CACNA1E: variants seen among roughly 807,000 people sequenced by gnomAD.
The protein encoded by CACNA1E is calcium voltage-gated channel subunit alpha1 E.
CACNA1E carries 40 observed loss-of-function variants against 259.2 expected under a neutral mutation model. That is an observed-to-expected ratio of 0.15 (90% CI 0.12 to 0.20). The LOEUF is 0.20. Ranked by LOEUF, CACNA1E falls within the 10% of genes least tolerant of loss-of-function variation. The probability of loss-of-function intolerance (pLI) is 1.00; values close to 1 mark genes in which losing one functional copy is unlikely to be tolerated. For synonymous variants in CACNA1E, 1,104 were observed against 1,138.5 expected (o/e 0.97, Z 0.61); for missense variants, 1,874 against 3,040.1 (o/e 0.62, Z 9.02).
chr1:181,763,790 CT>C (rs1658791614), intron 34 of CACNA1E, among the ~76,000 whole-genome samples: 1 of 152,214 alleles, frequency 6.6e-6, no homozygotes, highest in African/African-American at 2.4e-5. Context: ...TCCTCTCTGT[CT>C]GCTGAGGCAG....
At chr1:181,780,225 C>T (rs1660306965) in intron 38 of CACNA1E, among the ~76,000 whole-genome samples, 1 of 152,190 alleles carries the variant, frequency 6.6e-6, no homozygotes, top group South Asian at 2.1e-4. Flanking sequence ...CTGAGAGAGT[C>T]CCTACCTTAG....
intron 1 of CACNA1E, among the ~76,000 whole-genome samples, chr1:181,486,405 A>G (rs1340314100): frequency 6.6e-6 from 1 of 152,252 alleles, no homozygotes; most frequent in East Asian, 1.9e-4. Context: ...ATTGACTAAT[A>G]TATTCCCTCT....
chr1:181,364,511 A>T (rs1331186475), intron 1 of CACNA1E, among the ~76,000 whole-genome samples: 1 of 152,214 alleles, frequency 6.6e-6, no homozygotes, highest in East Asian at 1.9e-4. Flanking sequence ...AAGGAGCCAG[A>T]TTGGAAGGCC....
At chr1:181,549,614 C>G (rs146458631) in intron 3 of CACNA1E, among the ~76,000 whole-genome samples, 3 of 152,192 alleles carry the variant, frequency 2.0e-5, no homozygotes, top group Admixed American at 2.0e-4. Context: ...AAGTGACTGT[C>G]TAAAGGGGGA....
chr1:181,580,509 T>C, intron 5 of CACNA1E, 86 bp from the exon 6 acceptor site: 1 of 1,311,766 alleles, frequency 7.6e-7, no homozygotes, highest in Non-Finnish European at 1.1e-6. Context: ...GGGAATGGAA[T>C]TGCTTGCCTA....
At chr1:181,513,480 T>C (rs1169764583) in intron 3 of CACNA1E, among the ~76,000 whole-genome samples, 1 of 152,266 alleles carries the variant, frequency 6.6e-6, no homozygotes, top group African/African-American at 2.4e-5. Flanking sequence ...TTGGCTCTGA[T>C]AAATAATTAT....
intron 3 of CACNA1E, among the ~76,000 whole-genome samples, chr1:181,577,378 C>T (rs1240320526): frequency 6.6e-6 from 1 of 151,958 alleles, no homozygotes; most frequent in Non-Finnish European, 1.5e-5. Context: ...ACAGGGGAAC[C>T]TAAGAAAATT....
At chr1:181,685,322 CAT>C (rs1650425359) in intron 7 of CACNA1E, among the ~76,000 whole-genome samples, 2 of 148,864 alleles carry the variant, frequency 1.3e-5, no homozygotes, top group Admixed American at 1.4e-4. Context: ...GTTGTGCAAC[CAT>C]ATATATTATA....
At chr1:181,390,116 T>G (rs978856955) in intron 1 of CACNA1E, among the ~76,000 whole-genome samples, 6 of 152,168 alleles carry the variant, frequency 3.9e-5, no homozygotes, top group African/African-American at 1.4e-4. Flanking sequence ...TTCGTGACGG[T>G]GCCCCTGAGC....
intron 2 of CACNA1E, among the ~76,000 whole-genome samples, chr1:181,476,600 C>A (rs889873520): frequency 1.3e-5 from 2 of 152,234 alleles, no homozygotes; most frequent in Admixed American, 6.5e-5. Flanking sequence ...CTAGGCACTG[C>A]CTCCTTTGGG....
At chr1:181,317,699 G>C (rs1180533857) in exon 1 of CACNA1E, 1 of 138,322 alleles carries the variant, frequency 7.2e-6, no homozygotes, top group Non-Finnish European at 1.5e-5. Context: ...CTCCCTTGCC[G>C]CCTCGCGCGT....
At chr1:181,770,193 A>G (rs143743683) in intron 35 of CACNA1E, among the ~76,000 whole-genome samples, 6 of 152,372 alleles carry the variant, frequency 3.9e-5, no homozygotes, top group South Asian at 2.1e-4. Context: ...AAACTGAAGC[A>G]TGTTCAATGC....
chr1:181,367,651 T>G (rs916044090), intron 1 of CACNA1E, among the ~76,000 whole-genome samples: 3 of 149,382 alleles, frequency 2.0e-5, no homozygotes, highest in Non-Finnish European at 4.4e-5. Flanking sequence ...TTATTACTAA[T>G]GAATAACTTC....
At chr1:181,355,414 C>T (rs767063852) in intron 1 of CACNA1E, among the ~76,000 whole-genome samples, 3 of 152,018 alleles carry the variant, frequency 2.0e-5, no homozygotes, top group East Asian at 1.9e-4. Flanking sequence ...ATGGTAAAAC[C>T]CTGTCTCTAC....
chr1:181,731,865 T>C (rs1655512937), intron 19 of CACNA1E, among the ~76,000 whole-genome samples: 1 of 152,076 alleles, frequency 6.6e-6, no homozygotes, highest in Non-Finnish European at 1.5e-5. Context: ...ATCAAGACTT[T>C]TTGTAATAAG....
chr1:181,353,336 A>G (rs143786658), intron 1 of CACNA1E, among the ~76,000 whole-genome samples: 4 of 152,324 alleles, frequency 2.6e-5, no homozygotes, highest in Non-Finnish European at 5.9e-5. Flanking sequence ...GACAAGTGAT[A>G]GGCAATCACT....
At chr1:181,494,229 G>A (rs993392950) in intron 1 of CACNA1E, among the ~76,000 whole-genome samples, 1 of 151,838 alleles carries the variant, frequency 6.6e-6, no homozygotes, top group East Asian at 1.9e-4. Context: ...GAGGGGGGAC[G>A]TTATCTAATT....
At chr1:181,406,543 C>T (rs1011053502) in intron 1 of CACNA1E, among the ~76,000 whole-genome samples, 1 of 152,062 alleles carries the variant, frequency 6.6e-6, no homozygotes, top group African/African-American at 2.4e-5. Context: ...TTACAGGCAC[C>T]TGCCAGCATG....
At chr1:181,669,227 G>T (rs1386953235) in intron 7 of CACNA1E, among the ~76,000 whole-genome samples, 1 of 152,152 alleles carries the variant, frequency 6.6e-6, no homozygotes, top group Non-Finnish European at 1.5e-5. Context: ...TCAACTGCTA[G>T]CTTCACTCAC....
Sources: gnomAD v4.1 joint callset for allele counts (sites outside exome capture counted in the v4.1 genomes callset) on GRCh38, gnomAD v4.1.1 for gene constraint, MANE v1.5 for transcripts, NCBI Gene and HGNC (gene_info 2026-07-23, HGNC 2026-07-21) for gene names.